Variants in HIP1 observed in about 807,000 individuals in gnomAD.
HIP1 encodes the protein huntingtin interacting protein 1.
In HIP1, 65 loss-of-function variants were observed where a neutral mutation model predicts 147.6. That is an observed-to-expected ratio of 0.44 (90% confidence interval 0.36 to 0.54). HIP1 has a LOEUF of 0.54. Among genes scored for constraint, HIP1 ranks in the 20% least tolerant of loss-of-function variants. The pLI, the probability that HIP1 is intolerant of heterozygous loss-of-function variation, is 0.00. For synonymous variants in HIP1, 479 were observed against 504.0 expected (o/e 0.95, Z 0.67); for missense variants, 1,061 against 1,299.6 (o/e 0.82, Z 2.82).
intron 1 of HIP1, among the ~76,000 whole-genome samples, chr7:75,703,730 G>A (rs1584963786): frequency 2.0e-5 from 3 of 152,224 alleles, no homozygotes; most frequent in Admixed American, 2.0e-4. Flanking sequence ...CAGCTGGAGA[G>A]GTCTTTAAAA....
intron 1 of HIP1, among the ~76,000 whole-genome samples, chr7:75,673,178 C>T (rs1799777916): frequency 6.6e-6 from 1 of 151,938 alleles, no homozygotes; most frequent in African/African-American, 2.4e-5. Context: ...CCCAACACCA[C>T]GCTGGGCTAA....
At chr7:75,688,158 T>G (rs1184037702) in intron 1 of HIP1, among the ~76,000 whole-genome samples, 8 of 152,090 alleles carry the variant, frequency 5.3e-5, no homozygotes, top group Non-Finnish European at 1.2e-4. Context: ...GGTTCTTCCC[T>G]CATCCTGGAT....
At chr7:75,563,103 G>C in intron 10 of HIP1, 28 bp from the exon 11 acceptor site, 1 of 1,614,134 alleles carries the variant, frequency 6.2e-7, no homozygotes, top group Non-Finnish European at 8.5e-7. Context: ...TCCTCAAATA[G>C]TGCTTGCTTG....
At chr7:75,623,549 C>T (rs981701275) in intron 1 of HIP1, among the ~76,000 whole-genome samples, 1 of 152,148 alleles carries the variant, frequency 6.6e-6, no homozygotes. Context: ...TTTCACAGAT[C>T]GTCTCTCTTC....
chr7:75,706,641 TTTTA>T (rs1242266613), intron 1 of HIP1, among the ~76,000 whole-genome samples: 8,870 of 139,024 alleles, frequency 0.064, 488 homozygotes, highest in East Asian at 0.15. Context: ...TTTTTTTTTT[TTTTA>T]TTATACTCTA....
rs375130724 is a variant in HIP1, at chr7:75,611,961, C to G, written c.121-12714G>C. On this transcript the variant is annotated intron_variant, in intron 1 of 30. Coordinates refer to ENST00000336926, the MANE Select transcript of HIP1 (RefSeq NM_005338.7). ...CAGGCAGTGGCCAATGGGAAACCCTCTGGCCTTGCTTGTGTGGGGAGCTGG... is the reference window on the plus strand; with the variant it reads ...CAGGCAGTGGCCAATGGGAAACCCTGTGGCCTTGCTTGTGTGGGGAGCTGG... 7.6e-6 allele frequency: 6 copies of G among 790,344 alleles called. No individual in the cohort carries two copies. The South Asian group carries it at 2.9e-4, about 38-fold the overall frequency. 49.0% of individuals were successfully genotyped at this position (790,344 alleles called of 1,614,324 possible).
intron 1 of HIP1, among the ~76,000 whole-genome samples, chr7:75,628,993 G>A (rs1022394836): frequency 4.6e-5 from 7 of 152,158 alleles, no homozygotes; most frequent in Admixed American, 4.6e-4. Flanking sequence ...CTTGAGCTAG[G>A]GGGAGTAGGG....
chr7:75,714,642 G>A (rs190195848), intron 1 of HIP1, among the ~76,000 whole-genome samples: 71 of 151,828 alleles, frequency 4.7e-4, no homozygotes, highest in Non-Finnish European at 8.4e-4. Context: ...TAGCAGAGAT[G>A]GGGTTTCACC....
At chr7:75,581,727 C>T (rs782495022) in intron 6 of HIP1, among the ~76,000 whole-genome samples, 3 of 152,090 alleles carry the variant, frequency 2.0e-5, no homozygotes, top group Non-Finnish European at 4.4e-5. Flanking sequence ...TGCAGTAAGC[C>T]GAGATCAAGT....
chr7:75,677,806 A>C (rs1427820844), intron 1 of HIP1, among the ~76,000 whole-genome samples: 1 of 151,906 alleles, frequency 6.6e-6, no homozygotes, highest in East Asian at 2.0e-4. Context: ...GAGCCTTTGC[A>C]CACACTGTTT....
intron 1 of HIP1, among the ~76,000 whole-genome samples, chr7:75,735,837 C>T (rs1802003406): frequency 6.6e-6 from 1 of 151,952 alleles, no homozygotes; most frequent in South Asian, 2.1e-4. Context: ...ACAACAGGCA[C>T]GTGATACCAC....
chr7:75,542,077 C>A (rs1218624653), intron 28 of HIP1, 97 bp from the exon 29 acceptor site: 1 of 998,404 alleles, frequency 1.0e-6, no homozygotes, highest in South Asian at 1.3e-5. Flanking sequence ...AAACGCCTGG[C>A]TTGCCATTTG....
intron 19 of HIP1, 124 bp from the exon 20 acceptor site, chr7:75,554,650 A>ATGAGTAATC: frequency 1.5e-6 from 1 of 656,250 alleles, no homozygotes; most frequent in Non-Finnish European, 2.7e-6. Flanking sequence ...CGTGAAGTTC[A>ATGAGTAATC]TGAGTAATCA....
At chr7:75,649,567 C>T in intron 1 of HIP1, among the ~76,000 whole-genome samples, 1 of 152,174 alleles carries the variant, frequency 6.6e-6, no homozygotes, top group East Asian at 1.9e-4. Context: ...CAGCTGCACA[C>T]TCCAATTACC....
Position 75,659,347 on chromosome 7 carries a change from G to A in HIP1, c.121-60100C>T, listed in dbSNP as rs539636949. Among the ~76,000 whole-genome samples, 4 of 152,248 alleles carry A rather than the reference G, an allele frequency of 2.6e-5. No homozygotes were observed. In the East Asian group the frequency reaches 7.7e-4, roughly 29 times the overall value. On this transcript the variant is annotated intron_variant, in intron 1 of 30. Transcript: ENST00000336926. ...ATCTTTAATATTCACAATGCTTTGTGGCAACTACTGTTATTAGAAACATAA... is the reference window on the plus strand; with the variant it reads ...ATCTTTAATATTCACAATGCTTTGTAGCAACTACTGTTATTAGAAACATAA...
At chr7:75,691,143 G>A (rs1554518110) in intron 1 of HIP1, among the ~76,000 whole-genome samples, 1 of 152,090 alleles carries the variant, frequency 6.6e-6, no homozygotes, top group Non-Finnish European at 1.5e-5. Flanking sequence ...CATGCTAAAC[G>A]AAAGGAGCAG....
At chr7:75,671,881 C>T (rs1271815222) in intron 1 of HIP1, among the ~76,000 whole-genome samples, 6 of 152,040 alleles carry the variant, frequency 3.9e-5, no homozygotes, top group African/African-American at 1.2e-4. Flanking sequence ...ATTACAGCTA[C>T]GCGTCACCAT....
intron 7 of HIP1, among the ~76,000 whole-genome samples, chr7:75,578,540 T>G (rs1409628335): frequency 2.0e-5 from 3 of 152,082 alleles, no homozygotes; most frequent in Non-Finnish European, 4.4e-5. Flanking sequence ...TAGCTGGGCA[T>G]GGTGGTGCGT....
intron 30 of HIP1, among the ~76,000 whole-genome samples, chr7:75,538,626 G>C (rs1273564239): frequency 6.9e-6 from 1 of 144,730 alleles, no homozygotes; most frequent in Non-Finnish European, 1.5e-5. Context: ...CCAGGCTGGA[G>C]TGCAGTGGCG....
Sources: gnomAD v4.1 joint callset for allele counts (sites outside exome capture counted in the v4.1 genomes callset) on GRCh38, gnomAD v4.1.1 for gene constraint, MANE v1.5 for transcripts, NCBI Gene and HGNC (gene_info 2026-07-23, HGNC 2026-07-21) for gene names.